The following EXTL3 variants were observed in gnomAD, a reference collection of about 807,000 sequenced individuals.
EXTL3 encodes the protein exostosin like glycosyltransferase 3.
EXTL3 carries 27 observed loss-of-function variants against 69.3 expected under a neutral mutation model. The ratio of observed to expected loss-of-function variants is 0.39; its 90% CI spans 0.29 to 0.54. EXTL3 has a LOEUF of 0.54. Ranked by LOEUF, EXTL3 falls within the 20% of genes least tolerant of loss-of-function variation. The pLI, the probability that EXTL3 is intolerant of heterozygous loss-of-function variation, is 0.69. For missense variants in EXTL3, 1,003 were observed against 1,231.8 expected (o/e 0.81, Z 2.78); for synonymous variants, 511 against 499.4 (o/e 1.02, Z -0.31).
intron 1 of EXTL3, among the ~76,000 whole-genome samples, chr8:28,709,393 C>G (rs574826777): frequency 2.0e-5 from 3 of 152,098 alleles, no homozygotes; most frequent in Non-Finnish European, 2.9e-5. Context: ...ATCTGGAAAG[C>G]GTCTAGCCTC....
intron 5 of EXTL3, chr8:28,742,746 TGG>T: frequency 2.9e-5 from 8 of 271,890 alleles, no homozygotes; most frequent in Admixed American, 4.8e-5. Context: ...TTTTTTTTTT[TGG>T]CCATTGTTAG....
At chr8:28,660,977 G>A (rs1371168272) in intron 1 of EXTL3, among the ~76,000 whole-genome samples, 1 of 146,224 alleles carries the variant, frequency 6.8e-6, no homozygotes, top group Non-Finnish European at 1.5e-5. Flanking sequence ...GCAGTGGCGC[G>A]ATCTCTGCTC....
rs926965320 is a variant in EXTL3, at chr8:28,724,373, G to A, written c.2148+6166G>A. On this transcript the variant is annotated intron_variant, in intron 3 of 6. Transcript: ENST00000220562. ...GACATCCCTGTGTAAAGTTATAAAT[G>A]GAAAACCAATGCACTGTTACCTTCT... 9.9e-5 allele frequency among the ~76,000 whole-genome samples: 15 copies of A among 152,248 alleles called. 1 individual carries two copies. The South Asian group carries it at 1.5e-3, about 15-fold the overall frequency.
intron 1 of EXTL3, among the ~76,000 whole-genome samples, chr8:28,663,611 C>A (rs1035973762): frequency 6.6e-6 from 1 of 152,028 alleles, no homozygotes; most frequent in Non-Finnish European, 1.5e-5. Flanking sequence ...ACCACCACAC[C>A]CAGCTAAATT....
intron 6 of EXTL3, among the ~76,000 whole-genome samples, chr8:28,746,141 A>G (rs1801883545): frequency 6.6e-6 from 1 of 152,238 alleles, no homozygotes; most frequent in African/African-American, 2.4e-5. Context: ...AAATACCTCA[A>G]ATTTTTACTG....
chr8:28,643,417 T>C (rs28494104), intron 1 of EXTL3, among the ~76,000 whole-genome samples: 1 of 136,200 alleles, frequency 7.3e-6, no homozygotes, highest in African/African-American at 3.0e-5. Flanking sequence ...TCTTTTTTTT[T>C]CTTTTTTTCT....
intron 3 of EXTL3, among the ~76,000 whole-genome samples, chr8:28,721,176 G>A (rs1801284794): frequency 1.3e-5 from 2 of 152,154 alleles, no homozygotes; most frequent in South Asian, 4.1e-4. Flanking sequence ...TTTTGTTTTA[G>A]TAGGTGGTTA....
At chr8:28,636,137 C>G (rs1054897035) in intron 1 of EXTL3, among the ~76,000 whole-genome samples, 1 of 151,912 alleles carries the variant, frequency 6.6e-6, no homozygotes, top group Non-Finnish European at 1.5e-5. Flanking sequence ...TCAAGACCAC[C>G]CTGGGCAACA....
intron 2 of EXTL3, among the ~76,000 whole-genome samples, chr8:28,616,626 CAAA>C (rs200318701): frequency 1.6e-5 from 2 of 128,076 alleles, no homozygotes; most frequent in Non-Finnish European, 1.7e-5. Context: ...GACTCCGTCT[CAAA>C]AAAAAAAAAA....
At chr8:28,713,424 TATTTTTG>T in intron 1 of EXTL3, 26 bp from the exon 2 acceptor site, 1 of 675,152 alleles carries the variant, frequency 1.5e-6, no homozygotes, top group East Asian at 2.7e-5. Context: ...GTCACTGTTC[TATTTTTG>T]TTTTTTGTTT....
chr8:28,641,602 G>T (rs1316706961), intron 1 of EXTL3, among the ~76,000 whole-genome samples: 1 of 150,870 alleles, frequency 6.6e-6, no homozygotes, highest in Non-Finnish European at 1.5e-5. Flanking sequence ...TCAGCCTCCG[G>T]AGTAGCTGGG....
intron 1 of EXTL3, among the ~76,000 whole-genome samples, chr8:28,643,880 C>A (rs564066605): frequency 1.3e-5 from 2 of 152,174 alleles, no homozygotes; most frequent in South Asian, 4.1e-4. Context: ...AACCTCCCCC[C>A]TGAGCCTCCT....
Position 28,750,938 on chromosome 8 carries a change from A to G in EXTL3, c.*72A>G. Reference sequence around the variant, plus strand: ...GGCTCCCAAGGTTCCTAGGCATTGCAGGACCTTGGGCACATCTGCTGGTGG... The same window carrying G: ...GGCTCCCAAGGTTCCTAGGCATTGCGGGACCTTGGGCACATCTGCTGGTGG... On this transcript the variant is annotated 3_prime_UTR_variant, in exon 7 of 7. Transcript: ENST00000220562. This position sits in a 1 kb window ranked among gnomAD's most constrained non-coding sequence, Gnocchi z 5.2. 1.4e-6 allele frequency: 2 copies of G among 1,390,866 alleles called. No individual in the cohort carries two copies. The highest frequency in any genetic ancestry group is 2.3e-5 in the South Asian group (2 of 85,754). 86.2% of individuals were successfully genotyped at this position (1,390,866 alleles called of 1,614,324 possible). A position where few individuals can be genotyped will look rare whatever the true frequency, so the allele number is the denominator to read the frequency against.
chr8:28,705,933 G>C (rs915147790), intron 1 of EXTL3, among the ~76,000 whole-genome samples: 2 of 152,258 alleles, frequency 1.3e-5, no homozygotes, highest in African/African-American at 4.8e-5. Flanking sequence ...GCCTCTGTTG[G>C]TGTTTTTGCT....
intron 1 of EXTL3, among the ~76,000 whole-genome samples, chr8:28,683,347 A>G (rs1297016182): frequency 2.6e-5 from 4 of 152,202 alleles, no homozygotes; most frequent in Non-Finnish European, 2.9e-5. Flanking sequence ...TAATATGATC[A>G]TTTTAACAAC....
intron 1 of EXTL3, among the ~76,000 whole-genome samples, chr8:28,644,722 C>T (rs973852369): frequency 1.2e-4 from 19 of 152,170 alleles, no homozygotes; most frequent in East Asian, 5.8e-4. Context: ...TGTATCTTTT[C>T]GTTATGATTC....
intron 2 of EXTL3, among the ~76,000 whole-genome samples, chr8:28,615,970 C>A (rs1469155976): frequency 6.6e-6 from 1 of 152,018 alleles, no homozygotes; most frequent in Non-Finnish European, 1.5e-5. Flanking sequence ...CACAGTGGCT[C>A]ACACCTGTAA....
intron 3 of EXTL3, among the ~76,000 whole-genome samples, chr8:28,722,934 T>C (rs1801329633): frequency 6.6e-6 from 1 of 152,052 alleles, no homozygotes; most frequent in Non-Finnish European, 1.5e-5. Flanking sequence ...CTCTCCCCAG[T>C]AGTCTATTAG....
intron 6 of EXTL3, among the ~76,000 whole-genome samples, chr8:28,747,019 A>C (rs1045431536): frequency 6.6e-6 from 1 of 152,280 alleles, no homozygotes; most frequent in Non-Finnish European, 1.5e-5. Flanking sequence ...AACATTTGGA[A>C]ACCACTGCTT....
Sources: gnomAD v4.1 joint callset for allele counts (sites outside exome capture counted in the v4.1 genomes callset) on GRCh38, gnomAD v4.1.1 for gene constraint, Gnocchi (gnomAD v3.1) non-coding constraint, MANE v1.5 for transcripts, NCBI Gene and HGNC (gene_info 2026-07-23, HGNC 2026-07-21) for gene names.